Variants in EPB41L4B observed in about 807,000 individuals in gnomAD.
EPB41L4B encodes the protein erythrocyte membrane protein band 4.1 like 4B, also known as band 4.1-like protein 4B.
In EPB41L4B, 30 loss-of-function variants were observed where a neutral mutation model predicts 112.5. That is an observed-to-expected ratio of 0.27 (90% CI 0.20 to 0.36). EPB41L4B has a LOEUF of 0.36. Among genes scored for constraint, EPB41L4B ranks in the 10% least tolerant of loss-of-function variants. The pLI, the probability that EPB41L4B is intolerant of heterozygous loss-of-function variation, is 1.00. For missense variants in EPB41L4B, 1,024 were observed against 1,133.3 expected, an observed-to-expected ratio of 0.90 and a Z score of 1.38; for synonymous variants, 408 against 439.7, an observed-to-expected ratio of 0.93 and a Z score of 0.90.
intron 15 of EPB41L4B, among the ~76,000 whole-genome samples, chr9:109,218,126 C>CT (rs10654240): frequency 0.14 from 14,854 of 106,012 alleles, 1,865 homozygotes; most frequent in South Asian, 0.34. Flanking sequence ...ACTAATAATT[C>CT]TTTTTTTTTT....
At chr9:109,222,426 T>C (rs1436282837) in intron 15 of EPB41L4B, among the ~76,000 whole-genome samples, 1 of 152,206 alleles carries the variant, frequency 6.6e-6, no homozygotes, top group Admixed American at 6.5e-5. Context: ...TCATGGATTG[T>C]GCCCTGCGGA....
intron 13 of EPB41L4B, among the ~76,000 whole-genome samples, chr9:109,250,430 C>T (rs528490158): frequency 4.5e-4 from 68 of 152,300 alleles, no homozygotes; most frequent in South Asian, 3.9e-3. Context: ...CCCTCTCAGC[C>T]GCCTTGAGAC....
intron 1 of EPB41L4B, among the ~76,000 whole-genome samples, chr9:109,302,908 A>C (rs1392666810): frequency 6.6e-6 from 1 of 152,052 alleles, no homozygotes; most frequent in Non-Finnish European, 1.5e-5. Flanking sequence ...GATTAAGCTT[A>C]CATTTTATCA....
intron 7 of EPB41L4B, among the ~76,000 whole-genome samples, chr9:109,256,893 G>A (rs563799565): frequency 2.6e-5 from 4 of 152,328 alleles, no homozygotes; most frequent in African/African-American, 9.6e-5. Flanking sequence ...AGTGAGCCAA[G>A]ATCCAAGATC....
Position 109,185,658 on chromosome 9 carries a change from G to A in EPB41L4B, c.2302-53C>T, listed in dbSNP as rs929702319. The A allele has an allele frequency of 5.2e-6, 7 of 1,356,394 alleles. No homozygotes were observed. The African/African-American group carries it at 8.6e-5, about 17-fold the overall frequency. The allele number at this position is 1,356,394 out of a possible 1,614,324, so 84.0% of individuals were successfully genotyped here. A position where few individuals can be genotyped will look rare whatever the true frequency, so the allele number is the denominator to read the frequency against. On this transcript the variant is annotated intron_variant, in intron 22 of 25. Transcript: ENST00000374566. ...AGGAGGAGGTGGCAAGAGAAGGGGA[G>A]GAGGAAGAGGAGGTAGGGGAAGGGA...
At chr9:109,224,846 C>T (rs1564277811) in intron 15 of EPB41L4B, among the ~76,000 whole-genome samples, 1 of 152,120 alleles carries the variant, frequency 6.6e-6, no homozygotes, top group Non-Finnish European at 1.5e-5. Flanking sequence ...TCATTTTGCA[C>T]ATGGGGGGAT....
chr9:109,199,109 T>C (rs7875754), intron 20 of EPB41L4B, among the ~76,000 whole-genome samples: 59,785 of 151,884 alleles, frequency 0.39, 11,870 homozygotes, highest in East Asian at 0.5. Flanking sequence ...TACTATTCCC[T>C]AACGATGCCT....
intron 6 of EPB41L4B, among the ~76,000 whole-genome samples, chr9:109,262,185 A>AC (rs1341657355): frequency 2.0e-5 from 3 of 152,056 alleles, no homozygotes; most frequent in African/African-American, 7.2e-5. Context: ...TACCCTTTGC[A>AC]CCCCACCAGT....
chr9:109,304,682 A>AT (rs1022050276), intron 1 of EPB41L4B, among the ~76,000 whole-genome samples: 3 of 152,170 alleles, frequency 2.0e-5, no homozygotes, highest in African/African-American at 7.2e-5. Flanking sequence ...TGCCTACTCC[A>AT]TGGGGGGATG....
chr9:109,260,542 G>A (rs1434334067), intron 6 of EPB41L4B, among the ~76,000 whole-genome samples: 2 of 151,288 alleles, frequency 1.3e-5, no homozygotes, highest in Non-Finnish European at 1.5e-5. Flanking sequence ...AGCCTCCTGA[G>A]TAGTTGGGAT....
intron 1 of EPB41L4B, among the ~76,000 whole-genome samples, chr9:109,306,699 G>A (rs1837211962): frequency 6.6e-6 from 1 of 152,216 alleles, no homozygotes; most frequent in Admixed American, 6.5e-5. Flanking sequence ...GCAGTAGTCT[G>A]GGGTATAGCT....
chr9:109,230,622 C>G (rs923765016), intron 15 of EPB41L4B, among the ~76,000 whole-genome samples: 1 of 152,150 alleles, frequency 6.6e-6, no homozygotes, highest in South Asian at 2.1e-4. Context: ...TACATTGTTA[C>G]ATGTTCTTAT....
chr9:109,256,105 A>G (rs1441151284), intron 9 of EPB41L4B, 31 bp downstream of exon 9: 1 of 1,573,540 alleles, frequency 6.4e-7, no homozygotes, highest in Non-Finnish European at 8.7e-7. Flanking sequence ...ATAGGAAAAG[A>G]CATTTTTAAT....
At chr9:109,300,802 A>T (rs1027874025) in intron 1 of EPB41L4B, 7 of 152,132 alleles carry the variant, frequency 4.6e-5, no homozygotes, top group African/African-American at 1.7e-4. Context: ...AAAGAAATAA[A>T]CAACAACAAT....
chr9:109,229,869 G>A (rs777671860), intron 15 of EPB41L4B, among the ~76,000 whole-genome samples: 4 of 152,194 alleles, frequency 2.6e-5, no homozygotes, highest in South Asian at 4.1e-4. Flanking sequence ...CATGCTATAC[G>A]TCACTTTCTA....
At chr9:109,290,323 C>A (rs1198573436) in intron 1 of EPB41L4B, among the ~76,000 whole-genome samples, 1 of 152,162 alleles carries the variant, frequency 6.6e-6, no homozygotes, top group Admixed American at 6.5e-5. Flanking sequence ...TGACTTTCAT[C>A]GAAACCTATT....
At chr9:109,197,478 G>T (rs114829227) in intron 20 of EPB41L4B, among the ~76,000 whole-genome samples, 1 of 151,874 alleles carries the variant, frequency 6.6e-6, no homozygotes, top group Admixed American at 6.6e-5. Context: ...GGTAGCCAGC[G>T]TCAAGGATTC....
intron 1 of EPB41L4B, among the ~76,000 whole-genome samples, chr9:109,287,398 G>A (rs968090532): frequency 5.3e-5 from 8 of 152,296 alleles, no homozygotes; most frequent in Admixed American, 2.0e-4. Flanking sequence ...GAACAAAGAA[G>A]ATAGAAACCA....
At chr9:109,210,569 C>T (rs1235086900) in intron 17 of EPB41L4B, among the ~76,000 whole-genome samples, 1 of 152,182 alleles carries the variant, frequency 6.6e-6, no homozygotes, top group Non-Finnish European at 1.5e-5. Context: ...TAATTCTAAA[C>T]TGCTTTTTTG....
Sources: gnomAD v4.1 joint callset for allele counts (sites outside exome capture counted in the v4.1 genomes callset) on GRCh38, gnomAD v4.1.1 for gene constraint, MANE v1.5 for transcripts, NCBI Gene and HGNC (gene_info 2026-07-23, HGNC 2026-07-21) for gene names.